The following EFNA5 variants were observed in gnomAD, a reference collection of about 807,000 sequenced individuals.
The protein encoded by EFNA5 is ephrin-A5.
EFNA5 carries 5 observed loss-of-function variants against 22.9 expected under a neutral mutation model. The observed-to-expected ratio is 0.22, with a 90% confidence interval of 0.11 to 0.46. The LOEUF (loss-of-function observed/expected upper bound fraction) is 0.46, where lower values mean the gene tolerates loss of function less well. Among genes scored for constraint, EFNA5 ranks in the 20% least tolerant of loss-of-function variants. The pLI, the probability that EFNA5 is intolerant of heterozygous loss-of-function variation, is 0.99. For synonymous variants in EFNA5, 113 were observed against 112.2 expected, an observed-to-expected ratio of 1.01 and a Z score of -0.04; for missense variants, 237 against 293.3, an observed-to-expected ratio of 0.81 and a Z score of 1.40.
At chr5:107,635,712 C>T (rs1187827455) in intron 1 of EFNA5, among the ~76,000 whole-genome samples, 1 of 152,188 alleles carries the variant, frequency 6.6e-6, no homozygotes, top group Non-Finnish European at 1.5e-5. Flanking sequence ...GACAGCCTCA[C>T]AGTGAGAGGG....
At chr5:107,592,204 TA>T (rs2112505184) in intron 1 of EFNA5, among the ~76,000 whole-genome samples, 1 of 146,890 alleles carries the variant, frequency 6.8e-6, no homozygotes, top group South Asian at 2.1e-4. Flanking sequence ...TATTCCAGTT[TA>T]TTTCCAAAGC....
At chr5:107,402,680 G>A (rs1748117252) in intron 2 of EFNA5, among the ~76,000 whole-genome samples, 1 of 152,208 alleles carries the variant, frequency 6.6e-6, no homozygotes, top group Non-Finnish European at 1.5e-5. Context: ...GCAACAGGGG[G>A]AAAGGAGTGT....
rs1747316905 is a variant in EFNA5, at chr5:107,378,078, C to T, written c.*3177G>A. 6.6e-6 allele frequency: 1 copy of T among 152,018 alleles called. No individual in the cohort carries two copies. Among genetic ancestry groups the T allele is most frequent in the Admixed American group, 6.6e-5 (1 of 15,258 alleles). 9.4% of individuals were successfully genotyped at this position (152,018 alleles called of 1,614,324 possible). ...AAAGCCTCAATGCATGTTTTGTATC[C>T]TGAAAGTCTATTGTTCTCACTTACA... On this transcript the variant is annotated 3_prime_UTR_variant, in exon 5 of 5. Coordinates refer to ENST00000333274, the MANE Select transcript of EFNA5 (RefSeq NM_001962.3).
At chr5:107,442,840 CTTCT>C (rs2112437532) in intron 1 of EFNA5, among the ~76,000 whole-genome samples, 1 of 146,856 alleles carries the variant, frequency 6.8e-6, no homozygotes, top group African/African-American at 2.5e-5. Flanking sequence ...CAAATTACTT[CTTCT>C]TTCTCTTCCA....
At chr5:107,497,991 C>G (rs147790071) in intron 1 of EFNA5, among the ~76,000 whole-genome samples, 2,970 of 152,326 alleles carry the variant, frequency 0.019, 92 homozygotes, top group African/African-American at 0.068. Context: ...TCTCGGCTTA[C>G]TGCAGCCTCG....
intron 1 of EFNA5, among the ~76,000 whole-genome samples, chr5:107,456,235 T>C (rs887816270): frequency 6.6e-6 from 1 of 152,112 alleles, no homozygotes; most frequent in African/African-American, 2.4e-5. Flanking sequence ...CTAAGCTAAC[T>C]AGGGTGTGAT....
At chr5:107,399,639 C>T (rs536521148) in intron 2 of EFNA5, among the ~76,000 whole-genome samples, 1 of 152,264 alleles carries the variant, frequency 6.6e-6, no homozygotes, top group Non-Finnish European at 1.5e-5. Flanking sequence ...ATTGTCCTTG[C>T]TGAATTCCTC....
At position 107,378,346 on chromosome 5, in the gene EFNA5, G is replaced by A. The variant is rs1747332620; in HGVS notation, c.*2909C>T. 6.6e-6 allele frequency: 1 copy of A among 152,106 alleles called. No homozygotes were observed. The highest frequency in any genetic ancestry group is 1.5e-5 in the Non-Finnish European group (1 of 68,022). The allele number at this position is 152,106 out of a possible 1,614,324, so 9.4% of individuals were successfully genotyped here. ...ACAGATCCTTATTTCCCTGCTTGAT[G>A]TTGCAAAGCCCTTGGCAACCAGGGG... On this transcript the variant is annotated 3_prime_UTR_variant, in exon 5 of 5. Transcript: ENST00000333274.
At chr5:107,469,296 C>T (rs1012986284) in intron 1 of EFNA5, among the ~76,000 whole-genome samples, 2 of 152,124 alleles carry the variant, frequency 1.3e-5, no homozygotes, top group African/African-American at 4.8e-5. Flanking sequence ...ACTTGCCCAT[C>T]CTACATTCAT....
Position 107,670,565 on chromosome 5 carries a change from A to G in EFNA5, c.49T>C (p.Cys17Arg), listed in dbSNP as rs1165880531. Reference protein sequence around the residue: ...LTLVFLVLWMCVFSQDPGSKA... With the variant: ...LTLVFLVLWMRVFSQDPGSKA... ...GAGCCCGGGTCCTGGCTGAACACAC[A>G]CATCCAGAGCACCAGAAACACCAGC... is the stretch of plus-strand genomic sequence containing the variant. Residue 17 changes from cysteine (C) to arginine (R), a missense_variant, in exon 1 of 5, where the codon TGT (cysteine) becomes CGT (arginine). By Grantham distance (180) the Cys-to-Arg change is radical. Coordinates refer to ENST00000333274, the MANE Select transcript of EFNA5 (RefSeq NM_001962.3). 6.2e-7 allele frequency: 1 copy of G among 1,601,088 alleles called. No individual in the cohort carries two copies. The highest frequency in any genetic ancestry group is 1.3e-5 in the African/African-American group (1 of 74,372).
chr5:107,543,701 G>A (rs1286927559), intron 1 of EFNA5, among the ~76,000 whole-genome samples: 3 of 110,302 alleles, frequency 2.7e-5, no homozygotes, highest in East Asian at 2.6e-4. Context: ...ACATGCCAAA[G>A]TATAATTTAA....
intron 1 of EFNA5, among the ~76,000 whole-genome samples, chr5:107,464,271 G>A (rs1164076666): frequency 6.6e-6 from 1 of 152,104 alleles, no homozygotes; most frequent in Non-Finnish European, 1.5e-5. Context: ...AGGGGTATAT[G>A]TCTCAGAATA....
Position 107,427,499 on chromosome 5 carries a change from C to T in EFNA5, c.136G>A (p.Gly46Ser), listed in dbSNP as rs1561381547. The change falls in exon 2 of 5, where the codon GGT (glycine) becomes AGT (serine). Residue 46 changes from glycine (G) to serine (S), a missense_variant. Gly to Ser is a moderately conservative substitution (Grantham distance 56). Coordinates refer to ENST00000333274, the MANE Select transcript of EFNA5 (RefSeq NM_001962.3). ...WNSSNPRFQR[G>S]DYHIDVCIND... is the part of the protein sequence containing the mutation. ...ATACAGACATCAATATGGTAGTCACCCCTCTGGAATCTGTTAGAAAAAGAA... is the reference window on the plus strand; with the variant it reads ...ATACAGACATCAATATGGTAGTCACTCCTCTGGAATCTGTTAGAAAAAGAA... 1.3e-6 allele frequency: 2 copies of T among 1,588,262 alleles called. No homozygotes were observed. The highest frequency in any genetic ancestry group is 1.2e-5 in the South Asian group (1 of 86,922).
chr5:107,665,199 T>C (rs1580590571), intron 1 of EFNA5, among the ~76,000 whole-genome samples: 1 of 152,214 alleles, frequency 6.6e-6, no homozygotes, highest in Non-Finnish European at 1.5e-5. Context: ...TTCATTTTCT[T>C]GGCCCAGCGT....
rs1438594190 is a variant in EFNA5, at chr5:107,641,981, C to CA, written c.125+28507dup. 7.9e-5 allele frequency among the ~76,000 whole-genome samples: 12 copies of CA among 151,974 alleles called. No individual in the cohort carries two copies. In the East Asian group the frequency reaches 1.7e-3, roughly 22 times the overall value. ...TCTCGTTTTCCCCAGTCAAAACTGT[C>CA]AAAAAAGGGCAGTATCTAAAAGCCA... On this transcript the variant is annotated intron_variant, in intron 1 of 4. Transcript: ENST00000333274.
chr5:107,610,776 C>T (rs1395181024), intron 1 of EFNA5, among the ~76,000 whole-genome samples: 1 of 152,076 alleles, frequency 6.6e-6, no homozygotes. Flanking sequence ...CATCTCTTCT[C>T]GCCTTCTCCC....
In EFNA5 at chr5:107,570,530, G is replaced by A. The variant is rs62355627; in HGVS notation, c.125+99959C>T. ...ACAGAGAAAGCTTTTACTTGCATGT[G>A]AGCAATTATAGCAACTTCCTGGTCG... On this transcript the variant is annotated intron_variant, in intron 1 of 4. Coordinates refer to ENST00000333274, the MANE Select transcript of EFNA5 (RefSeq NM_001962.3). 5.1e-3 allele frequency among the ~76,000 whole-genome samples: 782 copies of A among 152,032 alleles called. 2 individuals carry two copies. Among genetic ancestry groups the A allele is most frequent in the Non-Finnish European group, 5.9e-3 (398 of 67,998 alleles).
intron 2 of EFNA5, among the ~76,000 whole-genome samples, chr5:107,417,169 C>G (rs1001492679): frequency 6.6e-6 from 1 of 152,044 alleles, no homozygotes; most frequent in Non-Finnish European, 1.5e-5. Context: ...TAACCAAAAA[C>G]TAAAACTTAG....
chr5:107,629,984 A>G (rs1335706675), intron 1 of EFNA5, among the ~76,000 whole-genome samples: 1 of 151,722 alleles, frequency 6.6e-6, no homozygotes, highest in Non-Finnish European at 1.5e-5. Context: ...TGAACCTGGG[A>G]GGCGGAGGTT....
Sources: allele counts gnomAD v4.1 joint callset (sites outside exome capture counted in the v4.1 genomes callset), GRCh38; gene constraint gnomAD v4.1.1; transcripts MANE v1.5; gene names NCBI Gene and HGNC (gene_info 2026-07-23, HGNC 2026-07-21).